CMTM7: variants seen among roughly 807,000 people sequenced by gnomAD.
The protein encoded by CMTM7 is CKLF like MARVEL transmembrane domain containing 7.
In CMTM7, 7 loss-of-function variants were observed where a neutral mutation model predicts 19.3. That is an observed-to-expected ratio of 0.36 (90% CI 0.21 to 0.68). The LOEUF is 0.68. Ranked by LOEUF, CMTM7 falls within the 30% of genes least tolerant of loss-of-function variation. The pLI, the probability that CMTM7 is intolerant of heterozygous loss-of-function variation, is 0.60. For synonymous variants in CMTM7, 87 were observed against 99.3 expected (o/e 0.88, Z 0.74); for missense variants, 193 against 232.6 (o/e 0.83, Z 1.11).
Position 32,441,875 on chromosome 3 carries a change from C to G in CMTM7, c.195C>G (p.Ser65Arg). The change falls in exon 2 of 5, where the codon AGC becomes AGG. Residue 65 changes from serine to arginine, a missense_variant. By Grantham distance (110) the Ser-to-Arg change is moderately radical. Transcript: ENST00000334983. Reference sequence around the variant, plus strand: ...TGATTGCCTTCATCTGTGTGCGGAGCTCCCTGTGGACCAACTACAGCGCCT... The same window carrying G: ...TGATTGCCTTCATCTGTGTGCGGAGGTCCCTGTGGACCAACTACAGCGCCT... ...TLLIAFICVR[S>R]SLWTNYSAYS... The G allele has an allele frequency of 6.2e-7, 1 of 1,614,186 alleles. No homozygotes were observed. Among genetic ancestry groups the G allele is most frequent in the Non-Finnish European group, 8.5e-7 (1 of 1,180,028 alleles).
intron 1 of CMTM7, among the ~76,000 whole-genome samples, chr3:32,425,134 C>T (rs533801932): frequency 1.3e-5 from 2 of 152,276 alleles, no homozygotes; most frequent in African/African-American, 4.8e-5. Context: ...GCCTCAGTGT[C>T]CTCATCTGTA....
At chr3:32,414,288 A>G (rs561817492) in intron 1 of CMTM7, among the ~76,000 whole-genome samples, 2 of 152,286 alleles carry the variant, frequency 1.3e-5, no homozygotes, top group South Asian at 4.1e-4. Flanking sequence ...CGTTCCACTG[A>G]CGTTGAAAAT....
intron 1 of CMTM7, among the ~76,000 whole-genome samples, chr3:32,392,737 A>C (rs2125615108): frequency 6.6e-6 from 1 of 152,260 alleles, no homozygotes; most frequent in Non-Finnish European, 1.5e-5. Context: ...GCTGGTACTC[A>C]TGTAGGGGAG....
intron 1 of CMTM7, among the ~76,000 whole-genome samples, chr3:32,424,987 CAAAAAACGTAG>C (rs1390350216): frequency 6.6e-6 from 1 of 152,004 alleles, no homozygotes; most frequent in Admixed American, 6.5e-5. Flanking sequence ...AGGCCAGAGG[CAAAAAACGTAG>C]AAAAAACATA....
intron 1 of CMTM7, among the ~76,000 whole-genome samples, chr3:32,434,258 A>G (rs750089939): frequency 3.9e-5 from 6 of 152,174 alleles, no homozygotes; most frequent in Non-Finnish European, 7.3e-5. Context: ...TTGTATGTAT[A>G]TTTTTAAAGG....
At chr3:32,427,191 A>G (rs141613381) in intron 1 of CMTM7, among the ~76,000 whole-genome samples, 1 of 152,334 alleles carries the variant, frequency 6.6e-6, no homozygotes, top group Non-Finnish European at 1.5e-5. Flanking sequence ...CTATTTATGA[A>G]AGGTTACTGA....
At chr3:32,433,427 C>T (rs1412484357) in intron 1 of CMTM7, among the ~76,000 whole-genome samples, 2 of 152,142 alleles carry the variant, frequency 1.3e-5, no homozygotes, top group Non-Finnish European at 2.9e-5. Context: ...TGTTCTGGCC[C>T]CATCACGAGC....
At chr3:32,416,938 G>A (rs1696275977) in intron 1 of CMTM7, among the ~76,000 whole-genome samples, 1 of 152,158 alleles carries the variant, frequency 6.6e-6, no homozygotes, top group African/African-American at 2.4e-5. Context: ...TCATTCCACA[G>A]CAGTGTCATT....
chr3:32,405,799 A>G (rs1696083616), intron 1 of CMTM7, among the ~76,000 whole-genome samples: 1 of 152,220 alleles, frequency 6.6e-6, no homozygotes, highest in African/African-American at 2.4e-5. Context: ...AAGTTATACA[A>G]ACTGACTCCA....
chr3:32,433,078 A>G (rs1286713851), intron 1 of CMTM7, among the ~76,000 whole-genome samples: 1 of 152,234 alleles, frequency 6.6e-6, no homozygotes, highest in Non-Finnish European at 1.5e-5. Flanking sequence ...AAATTGCGTC[A>G]GACACTGAAA....
chr3:32,427,749 T>C (rs1485260809), intron 1 of CMTM7, among the ~76,000 whole-genome samples: 1 of 152,170 alleles, frequency 6.6e-6, no homozygotes. Context: ...GAGAATGACC[T>C]GTAGTCTATT....
chr3:32,406,060 T>A (rs1420076092), intron 1 of CMTM7, among the ~76,000 whole-genome samples: 1 of 152,216 alleles, frequency 6.6e-6, no homozygotes, highest in Non-Finnish European at 1.5e-5. Flanking sequence ...ATTTCACACT[T>A]CTGTGTGTGC....
Position 32,424,838 on chromosome 3 carries a change from G to GT in CMTM7, c.160-16998dup, listed in dbSNP as rs539187869. On this transcript the variant is annotated intron_variant, in intron 1 of 4. Transcript: ENST00000334983. Reference sequence around the variant, plus strand: ...CTTTTCAATTTTTTGTAGAGATGGGGTTTTGCCGTGTTGCCCAGGCTGGTC... The same window carrying GT: ...CTTTTCAATTTTTTGTAGAGATGGGGTTTTTGCCGTGTTGCCCAGGCTGGTC... Among the ~76,000 whole-genome samples, 8 of 152,266 alleles carry GT rather than the reference G, an allele frequency of 5.3e-5. No homozygotes were observed. The South Asian group carries it at 1.7e-3, about 32-fold the overall frequency.
At chr3:32,450,423 C>G (rs912846418) in intron 3 of CMTM7, among the ~76,000 whole-genome samples, 6 of 152,144 alleles carry the variant, frequency 3.9e-5, no homozygotes, top group African/African-American at 9.7e-5. Flanking sequence ...AAAAGAAAAG[C>G]TCTCTCTGTA....
intron 3 of CMTM7, 108 bp from the exon 4 acceptor site, chr3:32,452,284 C>T: frequency 6.3e-7 from 1 of 1,596,216 alleles, no homozygotes; most frequent in Admixed American, 1.7e-5. Flanking sequence ...AAGCTCCTTT[C>T]TGGCCAGAGA....
In CMTM7 at chr3:32,449,953, TGAGC is replaced by T; in HGVS notation, c.432+402_432+405del. Among the ~76,000 whole-genome samples the T allele has an allele frequency of 6.6e-6, 1 of 152,222 alleles. No individual in the cohort carries two copies. Among genetic ancestry groups the T allele is most frequent in the Non-Finnish European group, 1.5e-5 (1 of 68,034 alleles). On this transcript the variant is annotated intron_variant, in intron 3 of 4. Transcript: ENST00000334983. This position sits in a 1 kb window ranked among gnomAD's most constrained non-coding sequence, Gnocchi z 4.5. ...TGTGATCAATTAGAGATACATGCCA[TGAGC>T]CTGAGCTTTGCCATTCCTGATTTTT...
chr3:32,399,212 A>AG (rs1388046599), intron 1 of CMTM7, among the ~76,000 whole-genome samples: 1 of 150,516 alleles, frequency 6.6e-6, no homozygotes, highest in Non-Finnish European at 1.5e-5. Context: ...ACTCTTAACT[A>AG]GGGGCTGTAC....
At chr3:32,400,528 G>A (rs1340976958) in intron 1 of CMTM7, among the ~76,000 whole-genome samples, 1 of 151,150 alleles carries the variant, frequency 6.6e-6, no homozygotes, top group Non-Finnish European at 1.5e-5. Context: ...GAGTAGCTGG[G>A]ACTACAGATA....
Position 32,449,338 on chromosome 3 carries a change from GA to G in CMTM7, c.334-115del. On this transcript the variant is annotated intron_variant, in intron 2 of 4. Coordinates refer to ENST00000334983, the MANE Select transcript of CMTM7 (RefSeq NM_138410.4). This position sits in a 1 kb window ranked among gnomAD's most constrained non-coding sequence, Gnocchi z 4.5. ...CTCATCCCATTTGCGTGTTGCAAGG[GA>G]GAAGAGGAAGCGTCACTCTCTCCCT... 1 of 796,228 alleles carries G rather than the reference GA, an allele frequency of 1.3e-6. No homozygotes were observed. Among genetic ancestry groups the G allele is most frequent in the Non-Finnish European group, 2.3e-6 (1 of 443,080 alleles). The allele number at this position is 796,228 out of a possible 1,614,324, so 49.3% of individuals were successfully genotyped here. A position where few individuals can be genotyped will look rare whatever the true frequency, so the allele number is the denominator to read the frequency against.
Sources: allele counts gnomAD v4.1 joint callset (sites outside exome capture counted in the v4.1 genomes callset), GRCh38; gene constraint gnomAD v4.1.1; non-coding constraint Gnocchi (gnomAD v3.1); transcripts MANE v1.5; gene names NCBI Gene and HGNC (gene_info 2026-07-23, HGNC 2026-07-21).